The following TMTC3 variants were observed in gnomAD, a reference collection of about 807,000 sequenced individuals.
TMTC3 encodes the protein protein O-mannosyl-transferase TMTC3.
A neutral mutation model predicts 92.2 loss-of-function variants in TMTC3; 52 were observed. That is an observed-to-expected ratio of 0.56 (90% CI 0.45 to 0.71). The LOEUF (loss-of-function observed/expected upper bound fraction) is 0.71. Among genes scored for constraint, TMTC3 ranks in the 30% least tolerant of loss-of-function variants. The probability of loss-of-function intolerance (pLI) is 0.00; values close to 1 mark genes in which losing one functional copy is unlikely to be tolerated. For missense variants in TMTC3, 896 were observed against 1,057.1 expected (o/e 0.85, Z 2.11); for synonymous variants, 339 against 363.3 (o/e 0.93, Z 0.76).
intron 4 of TMTC3, among the ~76,000 whole-genome samples, chr12:88,156,949 T>G (rs2041019706): frequency 6.6e-6 from 1 of 151,902 alleles, no homozygotes; most frequent in Non-Finnish European, 1.5e-5. Flanking sequence ...AACAGAGTAA[T>G]GTTGTTTTCT....
In TMTC3 at chr12:88,195,101, C is replaced by G; in HGVS notation, c.2197C>G (p.Pro733Ala). 6.2e-7 allele frequency: 1 copy of G among 1,613,762 alleles called. No individual in the cohort carries two copies. The highest frequency in any genetic ancestry group is 8.5e-7 in the Non-Finnish European group (1 of 1,179,900). ...PILEELLRYY[P>A]DHIKGLILKG... Reference sequence around the variant, plus strand: ...TTTGGAGGAGTTACTCAGATACTACCCTGATCATATCAAGGGCCTCATTTT... The same window carrying G: ...TTTGGAGGAGTTACTCAGATACTACGCTGATCATATCAAGGGCCTCATTTT... Residue 733 changes from proline to alanine, a missense_variant, in exon 14 of 14, where the codon CCT (proline) becomes GCT (alanine). Transcript: ENST00000266712.
chr12:88,172,504 G>A (rs924504709), intron 7 of TMTC3, 93 bp from the exon 8 acceptor site: 5 of 642,012 alleles, frequency 7.8e-6, no homozygotes, highest in Non-Finnish European at 1.1e-5. Flanking sequence ...AAAATATTTG[G>A]ATTCAAGTAT....
intron 7 of TMTC3, among the ~76,000 whole-genome samples, chr12:88,172,366 C>G (rs1207480152): frequency 2.6e-5 from 4 of 151,824 alleles, no homozygotes; most frequent in Non-Finnish European, 5.9e-5. Flanking sequence ...TTCAAGATTT[C>G]CATTTCACCT....
At chr12:88,161,094 G>A (rs759451573) in intron 6 of TMTC3, among the ~76,000 whole-genome samples, 1 of 152,052 alleles carries the variant, frequency 6.6e-6, no homozygotes, top group Admixed American at 6.5e-5. Flanking sequence ...TAAGTGTTAA[G>A]GTTAGTGTTA....
intron 7 of TMTC3, among the ~76,000 whole-genome samples, chr12:88,169,440 C>T (rs1261662250): frequency 6.6e-6 from 1 of 152,026 alleles, no homozygotes; most frequent in Admixed American, 6.6e-5. Flanking sequence ...AAAAATGGAA[C>T]AGCTGTGGCC....
intron 7 of TMTC3, among the ~76,000 whole-genome samples, chr12:88,168,698 G>C (rs2041173311): frequency 6.6e-6 from 1 of 152,186 alleles, no homozygotes; most frequent in Non-Finnish European, 1.5e-5. Flanking sequence ...TGGGCTACTT[G>C]ATACTATGGC....
At chr12:88,160,273 T>A in intron 5 of TMTC3, 44 bp downstream of exon 5, 1 of 1,118,156 alleles carries the variant, frequency 8.9e-7, no homozygotes, top group Non-Finnish European at 1.2e-6. Context: ...TTGATATATT[T>A]TATCCTAGTT....
intron 4 of TMTC3, among the ~76,000 whole-genome samples, chr12:88,154,858 TCGAATAC>T (rs1378063367): frequency 6.6e-6 from 1 of 152,182 alleles, no homozygotes; most frequent in Non-Finnish European, 1.5e-5. Context: ...GGAAAGTGCT[TCGAATAC>T]ATTAGCTCAT....
intron 7 of TMTC3, among the ~76,000 whole-genome samples, chr12:88,168,460 T>C (rs1463601268): frequency 6.6e-6 from 1 of 152,212 alleles, no homozygotes; most frequent in African/African-American, 2.4e-5. Context: ...ATGTAGGGCC[T>C]GGGGAAGCAT....
At chr12:88,170,201 A>G (rs1379440537) in intron 7 of TMTC3, among the ~76,000 whole-genome samples, 1 of 152,190 alleles carries the variant, frequency 6.6e-6, no homozygotes, top group Non-Finnish European at 1.5e-5. Context: ...TTCTTATCCC[A>G]GAACCTATAG....
At chr12:88,164,695 T>G (rs137980398) in intron 6 of TMTC3, among the ~76,000 whole-genome samples, 1 of 152,302 alleles carries the variant, frequency 6.6e-6, no homozygotes, top group African/African-American at 2.4e-5. Flanking sequence ...TTTAAGTTAT[T>G]GCCATTACAT....
At chr12:88,144,614 A>AGATTGTAACCTAGATCTCAGTGAC (rs2040850023) in intron 1 of TMTC3, among the ~76,000 whole-genome samples, 1 of 152,200 alleles carries the variant, frequency 6.6e-6, no homozygotes, top group African/African-American at 2.4e-5. Flanking sequence ...GATGAAGCTA[A>AGATTGTAACCTAGATCTCAGTGAC]GATTGTAACC....
At chr12:88,185,919 A>G (rs2041373118) in intron 10 of TMTC3, among the ~76,000 whole-genome samples, 1 of 152,080 alleles carries the variant, frequency 6.6e-6, no homozygotes, top group South Asian at 2.1e-4. Context: ...TATCTTTATT[A>G]TATTTTATTT....
chr12:88,191,159 T>G (rs2041438169), intron 12 of TMTC3, among the ~76,000 whole-genome samples: 1 of 152,246 alleles, frequency 6.6e-6, no homozygotes, highest in African/African-American at 2.4e-5. Context: ...AACTTCGTTT[T>G]GTAGCCTGGT....
intron 3 of TMTC3, among the ~76,000 whole-genome samples, 178 bp downstream of exon 3, chr12:88,153,687 C>T (rs866401969): frequency 6.6e-6 from 1 of 151,878 alleles, no homozygotes; most frequent in African/African-American, 2.4e-5. Flanking sequence ...CAAAGTATAA[C>T]TTCCTACTGT....
intron 6 of TMTC3, among the ~76,000 whole-genome samples, chr12:88,162,216 T>C (rs770482088): frequency 1.3e-5 from 2 of 152,192 alleles, no homozygotes; most frequent in African/African-American, 2.4e-5. Context: ...TCCTTATCTC[T>C]TTATGCTAAT....
chr12:88,183,458 T>G (rs2041341200), intron 10 of TMTC3, among the ~76,000 whole-genome samples: 1 of 152,184 alleles, frequency 6.6e-6, no homozygotes, highest in Admixed American at 6.5e-5. Context: ...ATAGCTATAG[T>G]GTATCCCTTG....
intron 3 of TMTC3, among the ~76,000 whole-genome samples, chr12:88,154,016 C>T (rs548998892): frequency 2.6e-5 from 4 of 151,968 alleles, no homozygotes; most frequent in East Asian, 1.9e-4. Context: ...ATAAAGAGTA[C>T]GCAAGATCTC....
At chr12:88,175,132 T>C (rs1264554814) in intron 9 of TMTC3, among the ~76,000 whole-genome samples, 2 of 151,610 alleles carry the variant, frequency 1.3e-5, no homozygotes, top group African/African-American at 4.8e-5. Flanking sequence ...AAAATAATGA[T>C]GTTATAATCG....
Sources: allele counts gnomAD v4.1 joint callset (sites outside exome capture counted in the v4.1 genomes callset), GRCh38; gene constraint gnomAD v4.1.1; transcripts MANE v1.5; gene names NCBI Gene and HGNC (gene_info 2026-07-23, HGNC 2026-07-21).